The following RAP1B variants were observed in gnomAD, a reference collection of about 807,000 sequenced individuals.
RAP1B encodes ras-related protein Rap-1b.
RAP1B carries 1 observed loss-of-function variant against 27.5 expected under a neutral mutation model. The ratio of observed to expected loss-of-function variants is 0.04; its 90% confidence interval spans 0.01 to 0.17. The LOEUF is 0.17. Among genes scored for constraint, RAP1B ranks in the 10% least tolerant of loss-of-function variants. RAP1B has a pLI of 1.00. For missense variants in RAP1B, 84 were observed against 214.8 expected, an observed-to-expected ratio of 0.39 and a Z score of 3.81; for synonymous variants, 75 against 73.1, an observed-to-expected ratio of 1.03 and a Z score of -0.13.
chr12:68,650,314 C>G (rs1873722892), intron 2 of RAP1B, 86 bp from the exon 3 acceptor site: 2 of 1,229,882 alleles, frequency 1.6e-6, no homozygotes, highest in Non-Finnish European at 1.1e-6. Context: ...GTGTAACTCC[C>G]TGTGTGAACT....
At chr12:68,615,794 T>G (rs1471027873) in intron 1 of RAP1B, among the ~76,000 whole-genome samples, 1 of 152,060 alleles carries the variant, frequency 6.6e-6, no homozygotes, top group South Asian at 2.1e-4. Context: ...TACACATACA[T>G]ACACACACAC....
At chr12:68,644,987 C>T (rs1036568596) in intron 1 of RAP1B, among the ~76,000 whole-genome samples, 1 of 152,134 alleles carries the variant, frequency 6.6e-6, no homozygotes, top group East Asian at 1.9e-4. Flanking sequence ...GCGTGAGCCA[C>T]CACGCCTGGC....
chr12:68,645,255 C>T (rs527600159), intron 1 of RAP1B, among the ~76,000 whole-genome samples: 2 of 152,178 alleles, frequency 1.3e-5, no homozygotes, highest in Non-Finnish European at 2.9e-5. Flanking sequence ...GAAAGTGAGG[C>T]TCTGAAAGGT....
chr12:68,644,667 A>T (rs73332537), intron 1 of RAP1B, among the ~76,000 whole-genome samples: 7,358 of 142,734 alleles, frequency 0.052, 617 homozygotes, highest in African/African-American at 0.18. Flanking sequence ...AACCATTGTT[A>T]CTCTTATTTT....
At position 68,656,505 on chromosome 12, in the gene RAP1B, A is replaced by G. The variant is rs765732412; in HGVS notation, c.468+56A>G. 4 of 1,531,198 alleles carry G rather than the reference A, an allele frequency of 2.6e-6. No individual in the cohort carries two copies. The Admixed American group carries it at 5.0e-5, about 19-fold the overall frequency. The allele number at this position is 1,531,198 out of a possible 1,614,324, so 94.9% of individuals were successfully genotyped here. A position where few individuals can be genotyped will look rare whatever the true frequency, so the allele number is the denominator to read the frequency against. On this transcript the variant is annotated intron_variant, in intron 6 of 7. Transcript: ENST00000250559. ...CATTTGAAGTACAACATTGAAGATG[A>G]ATGGAAAATGTCTTAACCCCAAGTT...
In RAP1B at chr12:68,635,149, A is replaced by G. The variant is rs1021638279; in HGVS notation, c.-26-13550A>G. Among the ~76,000 whole-genome samples the G allele has an allele frequency of 2.0e-5, 3 of 152,280 alleles. No homozygotes were observed. In the South Asian group the frequency reaches 6.2e-4, roughly 32 times the overall value. On this transcript the variant is annotated intron_variant, in intron 1 of 7. Transcript: ENST00000250559. ...GCAGTCTTCATTTTAGCAGCTTTCT[A>G]TTTATTTTATAGTTCCTTGTTAGAA...
intron 2 of RAP1B, 119 bp downstream of exon 2, chr12:68,648,900 T>TG: frequency 1.1e-6 from 1 of 900,030 alleles, no homozygotes; most frequent in Non-Finnish European, 1.7e-6. Flanking sequence ...TTAGAAGCAA[T>TG]ATAATATTTT....
At chr12:68,646,323 T>C (rs1873405333) in intron 1 of RAP1B, among the ~76,000 whole-genome samples, 2 of 151,610 alleles carry the variant, frequency 1.3e-5, no homozygotes, top group South Asian at 4.2e-4. Context: ...TGAGATGGAG[T>C]GTTGCAGTCT....
intron 1 of RAP1B, among the ~76,000 whole-genome samples, chr12:68,636,919 G>A (rs1836421949): frequency 6.6e-6 from 1 of 151,962 alleles, no homozygotes; most frequent in South Asian, 2.1e-4. Flanking sequence ...CTCCCAATGT[G>A]CTGAGATTCC....
intron 3 of RAP1B, among the ~76,000 whole-genome samples, chr12:68,651,519 A>G (rs1223271881): frequency 6.6e-6 from 1 of 152,198 alleles, no homozygotes; most frequent in African/African-American, 2.4e-5. Flanking sequence ...TGTGTAATTT[A>G]TTTAATAGCT....
At chr12:68,640,038 A>G (rs1365181638) in intron 1 of RAP1B, among the ~76,000 whole-genome samples, 1 of 151,982 alleles carries the variant, frequency 6.6e-6, no homozygotes, top group Non-Finnish European at 1.5e-5. Flanking sequence ...ATGGGGTTTC[A>G]CCATGTTGGT....
intron 1 of RAP1B, among the ~76,000 whole-genome samples, chr12:68,644,533 G>A (rs1438237909): frequency 6.6e-6 from 1 of 151,270 alleles, no homozygotes; most frequent in Non-Finnish European, 1.5e-5. Flanking sequence ...GCAGTGAGTC[G>A]AGATGGCGCC....
intron 1 of RAP1B, among the ~76,000 whole-genome samples, chr12:68,627,970 T>C (rs1363929307): frequency 2.6e-5 from 4 of 152,032 alleles, no homozygotes; most frequent in African/African-American, 7.2e-5. Flanking sequence ...TAATCAGGCA[T>C]GCAGCACACG....
chr12:68,662,431 A>G lies in RAP1B; in HGVS notation c.*3182A>G, dbSNP rs2584096. ...TCTTAAACGTAAATAGCTCATCTTT[A>G]CCATATGTGGGCATTACAAATAGAA... On this transcript the variant is annotated 3_prime_UTR_variant, in exon 8 of 8. Coordinates refer to ENST00000250559, the MANE Select transcript of RAP1B (RefSeq NM_001010942.3). The G allele has an allele frequency of 6.6e-6, 1 of 151,758 alleles. No homozygotes were observed. Among genetic ancestry groups the G allele is most frequent in the African/African-American group, 2.4e-5 (1 of 41,384 alleles). 9.4% of individuals were successfully genotyped at this position (151,758 alleles called of 1,614,324 possible).
At chr12:68,617,426 T>C (rs1274890710) in intron 1 of RAP1B, among the ~76,000 whole-genome samples, 1 of 152,228 alleles carries the variant, frequency 6.6e-6, no homozygotes, top group African/African-American at 2.4e-5. Flanking sequence ...GGATGAGATA[T>C]ATAACATATG....
intron 1 of RAP1B, among the ~76,000 whole-genome samples, chr12:68,618,576 A>AT (rs1277177449): frequency 6.6e-6 from 1 of 152,182 alleles, no homozygotes; most frequent in African/African-American, 2.4e-5. Context: ...GTGCAAAACT[A>AT]TTTTTATAAT....
chr12:68,659,246 C>A, intron 7 of RAP1B, 34 bp from the exon 8 acceptor site: 1 of 456,040 alleles, frequency 2.2e-6, no homozygotes, highest in Non-Finnish European at 4.4e-6. Flanking sequence ...TTTTTCTAGC[C>A]CATGTTTTTA....
Position 68,668,442 on chromosome 12 carries a change from CT to C in RAP1B, c.*9196del, listed in dbSNP as rs913715723. The C allele has an allele frequency of 1.3e-5, 2 of 152,162 alleles. No homozygotes were observed. Among genetic ancestry groups the C allele is most frequent in the Non-Finnish European group, 2.9e-5 (2 of 68,030 alleles). 9.4% of individuals were successfully genotyped at this position (152,162 alleles called of 1,614,324 possible). A position where few individuals can be genotyped will look rare whatever the true frequency, so the allele number is the denominator to read the frequency against. ...CAATTGGCTCGACTGCTTTATCTCA[CT>C]TTGAAAAAGAAAAGTTACAAATTCT... On this transcript the variant is annotated 3_prime_UTR_variant, in exon 8 of 8. Coordinates refer to ENST00000250559, the MANE Select transcript of RAP1B (RefSeq NM_001010942.3).
intron 2 of RAP1B, chr12:68,649,060 G>A (rs921681142): frequency 6.3e-6 from 2 of 317,756 alleles, no homozygotes; most frequent in Non-Finnish European, 1.1e-5. Context: ...TTTTGCATTC[G>A]CATTTCAGAG....
Sources: allele counts gnomAD v4.1 joint callset (sites outside exome capture counted in the v4.1 genomes callset), GRCh38; gene constraint gnomAD v4.1.1; transcripts MANE v1.5; gene names NCBI Gene and HGNC (gene_info 2026-07-23, HGNC 2026-07-21).